CSTPP1: variants seen among roughly 807,000 people sequenced by gnomAD.
The protein encoded by CSTPP1 is UPF0705 protein C11orf49.
chr11:47,057,403 CAT>C, the CSTPP1 span, among the ~76,000 whole-genome samples: 38 of 152,114 alleles, frequency 2.5e-4, no homozygotes, highest in African/African-American at 8.7e-4. Flanking sequence ...CACATACATA[CAT>C]ATATATATTT....
chr11:47,070,879 A>G, the CSTPP1 span, among the ~76,000 whole-genome samples: 11 of 151,980 alleles, frequency 7.2e-5, no homozygotes, highest in East Asian at 5.8e-4. Context: ...CAGCTTTCCA[A>G]CCACTACTCT....
chr11:47,069,680 A>ATTG, the CSTPP1 span, among the ~76,000 whole-genome samples: 9 of 152,066 alleles, frequency 5.9e-5, no homozygotes, highest in Middle Eastern at 3.4e-3. Flanking sequence ...CAAGAGTTTT[A>ATTG]TTGTTGTTGT....
chr11:47,149,706 A>G, the CSTPP1 span, among the ~76,000 whole-genome samples: 1 of 152,284 alleles, frequency 6.6e-6, no homozygotes, highest in East Asian at 1.9e-4. Context: ...AGCACAGCAT[A>G]TGATGTGATT....
chr11:47,128,038 A>G, the CSTPP1 span, among the ~76,000 whole-genome samples: 1 of 152,046 alleles, frequency 6.6e-6, no homozygotes, highest in African/African-American at 2.4e-5. Context: ...CACCAGGCCC[A>G]GCTACTTTTT....
the CSTPP1 span, among the ~76,000 whole-genome samples, chr11:47,075,797 A>G: frequency 2.0e-5 from 3 of 152,004 alleles, no homozygotes; most frequent in Non-Finnish European, 4.4e-5. Context: ...AGGTGCCTGT[A>G]ATCCCAGCTA....
the CSTPP1 span, among the ~76,000 whole-genome samples, chr11:47,118,208 A>G: frequency 2.0e-5 from 3 of 152,168 alleles, no homozygotes; most frequent in Non-Finnish European, 2.9e-5. Flanking sequence ...TTGATCTTCA[A>G]TCACTGACAC....
the CSTPP1 span, among the ~76,000 whole-genome samples, chr11:46,938,847 G>T: frequency 1.4e-5 from 2 of 140,016 alleles, no homozygotes; most frequent in Non-Finnish European, 3.0e-5. Context: ...GCACTATCAC[G>T]GCTCACTGCA....
chr11:47,018,164 G>C, the CSTPP1 span, among the ~76,000 whole-genome samples: 2 of 151,986 alleles, frequency 1.3e-5, no homozygotes, highest in African/African-American at 4.8e-5. Flanking sequence ...CCCCCAATTG[G>C]CAATTATGAA....
At chr11:47,159,636 C>T in the CSTPP1 span, 1 of 456,246 alleles carries the variant, frequency 2.2e-6, no homozygotes. Flanking sequence ...CCAGTAGCAG[C>T]CACTAGGAAG....
chr11:46,960,235 A>G, the CSTPP1 span, among the ~76,000 whole-genome samples: 5 of 152,162 alleles, frequency 3.3e-5, no homozygotes, highest in African/African-American at 4.8e-5. Context: ...CCTGGGCTCA[A>G]GTGATTCTCT....
the CSTPP1 span, among the ~76,000 whole-genome samples, chr11:47,011,371 C>T: frequency 1.3e-5 from 2 of 152,278 alleles, no homozygotes; most frequent in Middle Eastern, 3.4e-3. Flanking sequence ...TAGAACTTTA[C>T]AACTATTGAC....
the CSTPP1 span, among the ~76,000 whole-genome samples, chr11:47,032,124 C>T: frequency 1.1e-4 from 17 of 152,146 alleles, no homozygotes; most frequent in African/African-American, 3.4e-4. Context: ...ACACCCTCAC[C>T]GACACACCCA....
chr11:46,982,488 G>A, the CSTPP1 span, among the ~76,000 whole-genome samples: 1 of 151,896 alleles, frequency 6.6e-6, no homozygotes, highest in Non-Finnish European at 1.5e-5. Flanking sequence ...ATGTTAAGGT[G>A]GAAATTCTAG....
At chr11:47,065,041 C>T in the CSTPP1 span, among the ~76,000 whole-genome samples, 1 of 152,126 alleles carries the variant, frequency 6.6e-6, no homozygotes, top group Non-Finnish European at 1.5e-5. Context: ...CACACCCAGC[C>T]TTGTAATAAG....
At chr11:47,161,336 G>T in the CSTPP1 span, 4 of 1,586,638 alleles carry the variant, frequency 2.5e-6, no homozygotes, top group East Asian at 4.5e-5. Flanking sequence ...GGCCTGAGGT[G>T]TCCCTCCCTC....
At chr11:47,117,877 C>CTTTTTTTTTTTTTT in the CSTPP1 span, among the ~76,000 whole-genome samples, 1 of 66,356 alleles carries the variant, frequency 1.5e-5, no homozygotes, top group Non-Finnish European at 2.8e-5. Flanking sequence ...TATTTCTTTT[C>CTTTTTTTTTTTTTT]TTTTTTTTTT....
At chr11:46,972,726 A>G in the CSTPP1 span, among the ~76,000 whole-genome samples, 22 of 152,322 alleles carry the variant, frequency 1.4e-4, no homozygotes, top group South Asian at 4.1e-3. Context: ...CGGAGCTGTC[A>G]TCAGTTCTAA....
chr11:47,115,782 GA>G, the CSTPP1 span, among the ~76,000 whole-genome samples: 1 of 149,538 alleles, frequency 6.7e-6, no homozygotes, highest in East Asian at 2.0e-4. Context: ...TGGATTCATT[GA>G]TTTTTTTGTA....
chr11:46,952,250 G>A, the CSTPP1 span, among the ~76,000 whole-genome samples: 951 of 152,316 alleles, frequency 6.2e-3, 14 homozygotes, highest in African/African-American at 0.022. Context: ...GGTTTCCAAA[G>A]CTGCCTCAAT....
Sources: gnomAD v4.1 joint callset for allele counts (sites outside exome capture counted in the v4.1 genomes callset) on GRCh38, gnomAD v4.1.1 for gene constraint, MANE v1.5 for transcripts, NCBI Gene and HGNC (gene_info 2026-07-23, HGNC 2026-07-21) for gene names.